Variants in CHLSN observed in about 807,000 individuals in gnomAD.
CHLSN encodes protein cholesin.
the CHLSN span, among the ~76,000 whole-genome samples, chr7:1,054,730 C>T: frequency 6.6e-6 from 1 of 152,224 alleles, no homozygotes; most frequent in African/African-American, 2.4e-5. Context: ...GCAGGAGAGC[C>T]CTCGCAGGAG....
chr7:982,977 C>G, the CHLSN span, among the ~76,000 whole-genome samples: 2 of 152,140 alleles, frequency 1.3e-5, no homozygotes, highest in African/African-American at 2.4e-5. Flanking sequence ...TGCCTGACCC[C>G]AGAGGGCCCC....
the CHLSN span, among the ~76,000 whole-genome samples, chr7:1,106,934 C>T: frequency 3.3e-5 from 5 of 152,196 alleles, no homozygotes; most frequent in South Asian, 2.1e-4. Flanking sequence ...CCCTGCCCAC[C>T]GTGACCACGG....
the CHLSN span, chr7:984,449 T>G: frequency 2.1e-5 from 32 of 1,549,636 alleles, no homozygotes; most frequent in Non-Finnish European, 2.8e-5. Flanking sequence ...ACCGTGCACC[T>G]GGGGCGCCAG....
the CHLSN span, among the ~76,000 whole-genome samples, chr7:1,135,851 G>T: frequency 0.15 from 18,584 of 120,860 alleles, 1,522 homozygotes; most frequent in Middle Eastern, 0.36. Context: ...ACATAAATAT[G>T]TATTTATATA....
At chr7:1,111,010 C>T in the CHLSN span, among the ~76,000 whole-genome samples, 3 of 152,026 alleles carry the variant, frequency 2.0e-5, no homozygotes, top group Non-Finnish European at 4.4e-5. Context: ...CAGGAGGTGG[C>T]GGTTGCAGTG....
the CHLSN span, among the ~76,000 whole-genome samples, chr7:1,008,697 T>C: frequency 7.2e-5 from 11 of 152,144 alleles, no homozygotes; most frequent in Admixed American, 3.3e-4. Flanking sequence ...GCCCCTCTCC[T>C]GTAGGTGGAG....
chr7:1,000,579 G>C, the CHLSN span: 5 of 1,574,082 alleles, frequency 3.2e-6, no homozygotes, highest in Admixed American at 7.1e-5. Flanking sequence ...AACATCTCAG[G>C]GTGCTGGGCA....
chr7:1,103,221 C>T, the CHLSN span, among the ~76,000 whole-genome samples: 54 of 152,208 alleles, frequency 3.5e-4, no homozygotes, highest in African/African-American at 1.3e-3. Flanking sequence ...CCTCCTCCCA[C>T]GCCCGACCCT....
the CHLSN span, among the ~76,000 whole-genome samples, chr7:1,136,743 C>T: frequency 2.6e-5 from 4 of 151,228 alleles, no homozygotes; most frequent in South Asian, 2.1e-4. Context: ...CTTAAGAATT[C>T]GTAATCAATA....
the CHLSN span, among the ~76,000 whole-genome samples, chr7:1,086,112 C>T: frequency 6.6e-6 from 1 of 152,246 alleles, no homozygotes; most frequent in African/African-American, 2.4e-5. Flanking sequence ...ACTCGCCCGC[C>T]CAGGGCAGGC....
At chr7:1,070,611 C>T in the CHLSN span, among the ~76,000 whole-genome samples, 1 of 146,856 alleles carries the variant, frequency 6.8e-6, no homozygotes, top group East Asian at 2.0e-4. Flanking sequence ...TGCACACATG[C>T]ATGCACACAC....
the CHLSN span, chr7:984,260 C>A: frequency 1.9e-6 from 2 of 1,055,926 alleles, no homozygotes; most frequent in African/African-American, 1.6e-5. Flanking sequence ...CCACCCTGCA[C>A]CACTGGCTTT....
chr7:1,033,708 GCCT>G, the CHLSN span, among the ~76,000 whole-genome samples: 1 of 152,216 alleles, frequency 6.6e-6, no homozygotes, highest in East Asian at 1.9e-4. Context: ...TAACGGAGGT[GCCT>G]CCTGAGTGAG....
chr7:982,657 G>C, the CHLSN span, among the ~76,000 whole-genome samples: 1 of 152,370 alleles, frequency 6.6e-6, no homozygotes, highest in East Asian at 1.9e-4. Context: ...TGTGGGATTT[G>C]AGTCCCCTCA....
the CHLSN span, among the ~76,000 whole-genome samples, chr7:1,038,157 G>T: frequency 3.7e-5 from 4 of 108,632 alleles, no homozygotes; most frequent in East Asian, 5.3e-4. Flanking sequence ...AGGGAGGTGG[G>T]GGGGGGTCAA....
At chr7:1,090,925 T>C in the CHLSN span, among the ~76,000 whole-genome samples, 7,516 of 152,276 alleles carry the variant, frequency 0.049, 502 homozygotes, top group African/African-American at 0.15. Context: ...ACTTCTGTTT[T>C]ATCGTAAGAG....
the CHLSN span, among the ~76,000 whole-genome samples, chr7:1,084,979 G>A: frequency 6.6e-6 from 1 of 152,248 alleles, no homozygotes; most frequent in South Asian, 2.1e-4. Context: ...GGCAGAGGGA[G>A]GGGCGCTGGG....
the CHLSN span, among the ~76,000 whole-genome samples, chr7:1,090,551 C>T: frequency 5.6e-4 from 84 of 149,342 alleles, no homozygotes; most frequent in South Asian, 4.2e-3. Flanking sequence ...TACCCACTGG[C>T]GGCAGAGCCG....
chr7:1,002,162 TGGAGTCCTGCAGGTGG>T, the CHLSN span, among the ~76,000 whole-genome samples: 6 of 58,116 alleles, frequency 1.0e-4, no homozygotes, highest in East Asian at 5.6e-4. Flanking sequence ...TGTGGGTGAG[TGGAGTCCTGCAGGTGG>T]GGAGTCCTGT....
Sources: allele counts gnomAD v4.1 joint callset (sites outside exome capture counted in the v4.1 genomes callset), GRCh38; gene constraint gnomAD v4.1.1; transcripts MANE v1.5; gene names NCBI Gene and HGNC (gene_info 2026-07-23, HGNC 2026-07-21).